Variants in RBL1 observed in about 807,000 individuals in gnomAD.
The protein encoded by RBL1 is RB transcriptional corepressor like 1, also known as retinoblastoma-like protein 1.
A neutral mutation model predicts 123.0 loss-of-function variants in RBL1; 82 were observed. The ratio of observed to expected loss-of-function variants is 0.67; its 90% confidence interval spans 0.56 to 0.80. The LOEUF is 0.80. Ranked by LOEUF, RBL1 falls within the 30% of genes least tolerant of loss-of-function variation. The probability of loss-of-function intolerance (pLI) is 0.00; values close to 1 mark genes in which losing one functional copy is unlikely to be tolerated. For synonymous variants in RBL1, 405 were observed against 441.3 expected, an observed-to-expected ratio of 0.92 and a Z score of 1.03; for missense variants, 1,171 against 1,299.6, an observed-to-expected ratio of 0.90 and a Z score of 1.52.
At chr20:37,001,819 A>G (rs897675886) in intron 21 of RBL1, among the ~76,000 whole-genome samples, 1 of 147,962 alleles carries the variant, frequency 6.8e-6, no homozygotes, top group Non-Finnish European at 1.5e-5. Context: ...CAAGAGTCCT[A>G]TGGCCTTTGT....
rs905977629 is a variant in RBL1, at chr20:37,083,133, G to A, written c.290+5856C>T. Among the ~76,000 whole-genome samples, 16 of 152,070 alleles carry A rather than the reference G, an allele frequency of 1.1e-4. No individual in the cohort carries two copies. The South Asian group carries it at 2.9e-3, about 28-fold the overall frequency. ...TCTCTGAATGAACACATTGATGCTG[G>A]GTAACTGCTCTTTTAGCATTAAAAA... On this transcript the variant is annotated intron_variant, in intron 2 of 21. Transcript: ENST00000373664.
chr20:37,006,527 C>T (rs2146202978), intron 20 of RBL1, among the ~76,000 whole-genome samples: 1 of 151,298 alleles, frequency 6.6e-6, no homozygotes, highest in South Asian at 2.1e-4. Flanking sequence ...ACATTAATCT[C>T]ACAATATAAC....
chr20:37,056,687 C>T (rs1172782423), intron 9 of RBL1, among the ~76,000 whole-genome samples: 1 of 151,888 alleles, frequency 6.6e-6, no homozygotes, highest in Non-Finnish European at 1.5e-5. Flanking sequence ...TTTTTAGCAG[C>T]CAAAGTTGTA....
In RBL1 at chr20:37,007,050, C is replaced by A. The variant is rs147143853; in HGVS notation, c.2871+361G>T. Reference sequence around the variant, plus strand: ...TTGCTTGAGTCCAGGAGTTCAAGACCAGCCTGGCCAACATGGTGAAACCCC... The same window carrying A: ...TTGCTTGAGTCCAGGAGTTCAAGACAAGCCTGGCCAACATGGTGAAACCCC... On this transcript the variant is annotated intron_variant, in intron 20 of 21. Transcript: ENST00000373664. Among the ~76,000 whole-genome samples, 226 of 151,964 alleles carry A rather than the reference C, an allele frequency of 1.5e-3. 5 individuals carry two copies. In the South Asian group the frequency reaches 0.02, roughly 14 times the overall value.
intron 7 of RBL1, 144 bp downstream of exon 7, chr20:37,065,280 A>G (rs1600564198): frequency 1.7e-6 from 1 of 593,022 alleles, no homozygotes; most frequent in East Asian, 2.8e-5. Flanking sequence ...TCTTAGTGAT[A>G]ATAAACATTC....
chr20:37,003,572 G>A lies in RBL1; in HGVS notation c.3036+130C>T. On this transcript the variant is annotated intron_variant, in intron 21 of 21. Coordinates refer to ENST00000373664, the MANE Select transcript of RBL1 (RefSeq NM_002895.5). The stretch of plus-strand genomic sequence containing the variant: ...TACTGCTCTTGATGAGAGGAGACAT[G>A]CCATAGTTAACATTTCATATTTTAT... 3.0e-6 allele frequency: 4 copies of A among 1,320,522 alleles called. No individual in the cohort carries two copies. The East Asian group carries it at 8.0e-5, about 26-fold the overall frequency. 81.8% of individuals were successfully genotyped at this position (1,320,522 alleles called of 1,614,324 possible).
intron 15 of RBL1, among the ~76,000 whole-genome samples, chr20:37,033,348 A>C (rs1388331512): frequency 6.6e-6 from 1 of 151,676 alleles, no homozygotes; most frequent in Non-Finnish European, 1.5e-5. Flanking sequence ...CACCCGGCTA[A>C]TTTTTAAAAT....
chr20:37,045,081 C>CTTACTTACTTACTTAT lies in RBL1; in HGVS notation c.1606-832_1606-831insATAAGTAAGTAAGTAA, dbSNP rs1555857366. ...TGACTTTAATATTCACATTTATTTA[C>CTTACTTACTTACTTAT]TTATTTATTTATTTATTTATTTATT... On this transcript the variant is annotated intron_variant, in intron 12 of 21. Coordinates refer to ENST00000373664, the MANE Select transcript of RBL1 (RefSeq NM_002895.5). Among the ~76,000 whole-genome samples, 269 of 146,222 alleles carry CTTACTTACTTACTTAT rather than the reference C, an allele frequency of 1.8e-3. 1 individual carries two copies. Among genetic ancestry groups the CTTACTTACTTACTTAT allele is most frequent in the African/African-American group, 5.4e-3 (216 of 39,898 alleles).
chr20:37,008,090 C>T (rs2064104568), intron 19 of RBL1, among the ~76,000 whole-genome samples: 1 of 152,106 alleles, frequency 6.6e-6, no homozygotes, highest in Non-Finnish European at 1.5e-5. Flanking sequence ...CTCTAGATTC[C>T]ACTTCAGAAT....
chr20:37,055,545 T>G lies in RBL1; in HGVS notation c.1467+8A>C. 6.2e-7 allele frequency: 1 copy of G among 1,614,030 alleles called. No individual in the cohort carries two copies. The highest frequency in any genetic ancestry group is 8.5e-7 in the Non-Finnish European group (1 of 1,179,966). ...CTTGCCAGTAGCTCAGAGAGTGGATTTACTTACTGACATGTCCATTCCATG... is the reference window on the plus strand; with the variant it reads ...CTTGCCAGTAGCTCAGAGAGTGGATGTACTTACTGACATGTCCATTCCATG... On this transcript the variant is annotated splice_region_variant and intron_variant, in intron 11 of 21. Coordinates refer to ENST00000373664, the MANE Select transcript of RBL1 (RefSeq NM_002895.5).
intron 19 of RBL1, among the ~76,000 whole-genome samples, chr20:37,013,207 G>T (rs922210641): frequency 6.6e-6 from 1 of 152,152 alleles, no homozygotes; most frequent in Non-Finnish European, 1.5e-5. Context: ...TGTAGAAAGA[G>T]GTAGACATGG....
intron 21 of RBL1, among the ~76,000 whole-genome samples, chr20:36,999,446 T>TCCTCTCCCTCCCTCCTCTC: frequency 1.5e-5 from 2 of 134,216 alleles, no homozygotes; most frequent in African/African-American, 3.2e-5. Flanking sequence ...TCCCTCTCCC[T>TCCTCTCCCTCCCTCCTCTC]CCTCTCCCTC....
intron 2 of RBL1, among the ~76,000 whole-genome samples, chr20:37,081,395 C>T (rs2065446065): frequency 1.3e-5 from 2 of 152,160 alleles, no homozygotes; most frequent in Admixed American, 6.6e-5. Context: ...TGCTTTAGTG[C>T]TTTGGGAGGC....
Position 37,055,538 on chromosome 20 carries a change from A to T in RBL1, c.1467+15T>A. 2 of 1,613,926 alleles carry T rather than the reference A, an allele frequency of 1.2e-6. No individual in the cohort carries two copies. Among genetic ancestry groups the T allele is most frequent in the Non-Finnish European group, 8.5e-7 (1 of 1,179,924 alleles). On this transcript the variant is annotated intron_variant, in intron 11 of 21. Coordinates refer to ENST00000373664, the MANE Select transcript of RBL1 (RefSeq NM_002895.5). ...TTTGGACCTTGCCAGTAGCTCAGAG[A>T]GTGGATTTACTTACTGACATGTCCA...
intron 19 of RBL1, among the ~76,000 whole-genome samples, chr20:37,015,128 A>G (rs1213967497): frequency 6.6e-6 from 1 of 151,832 alleles, no homozygotes; most frequent in African/African-American, 2.4e-5. Flanking sequence ...TCTGAAACCT[A>G]TATATACAGG....
At chr20:37,094,597 A>G (rs1293270311) in intron 1 of RBL1, among the ~76,000 whole-genome samples, 2 of 151,780 alleles carry the variant, frequency 1.3e-5, no homozygotes, top group African/African-American at 4.8e-5. Context: ...CATGAAATAC[A>G]CTCCATCACA....
intron 2 of RBL1, among the ~76,000 whole-genome samples, chr20:37,071,239 T>C (rs1263752285): frequency 1.3e-5 from 2 of 152,154 alleles, no homozygotes; most frequent in Non-Finnish European, 2.9e-5. Context: ...CTTACTTGAG[T>C]CCATTTCGCC....
At chr20:37,038,454 C>G (rs1431847085) in intron 14 of RBL1, among the ~76,000 whole-genome samples, 3 of 150,726 alleles carry the variant, frequency 2.0e-5, no homozygotes, top group Non-Finnish European at 4.4e-5. Flanking sequence ...GCACCTGCCA[C>G]CATGCCTGGC....
chr20:37,059,068 T>G (rs957207532), intron 9 of RBL1, among the ~76,000 whole-genome samples: 1 of 152,226 alleles, frequency 6.6e-6, no homozygotes, highest in African/African-American at 2.4e-5. Context: ...TTTTTTCTTT[T>G]GCATTCTATA....
Sources: gnomAD v4.1 joint callset for allele counts (sites outside exome capture counted in the v4.1 genomes callset) on GRCh38, gnomAD v4.1.1 for gene constraint, MANE v1.5 for transcripts, NCBI Gene and HGNC (gene_info 2026-07-23, HGNC 2026-07-21) for gene names.